RHBDL3: variants seen among roughly 807,000 people sequenced by gnomAD.
RHBDL3 encodes the protein rhomboid like 3, also known as rhomboid-related protein 3.
RHBDL3 carries 28 observed loss-of-function variants against 48.2 expected under a neutral mutation model. That is an observed-to-expected ratio of 0.58 (90% CI 0.43 to 0.80). RHBDL3 has a LOEUF of 0.80. Ranked by LOEUF, RHBDL3 falls within the 30% of genes least tolerant of loss-of-function variation. The probability of loss-of-function intolerance (pLI) is 0.00; values close to 1 mark genes in which losing one functional copy is unlikely to be tolerated. For missense variants in RHBDL3, 464 were observed against 542.7 expected (o/e 0.85, Z 1.44); for synonymous variants, 208 against 232.3 (o/e 0.90, Z 0.95).
intron 5 of RHBDL3, 58 bp from the exon 6 acceptor site, chr17:32,298,034 G>T: frequency 8.3e-7 from 1 of 1,210,464 alleles, no homozygotes; most frequent in South Asian, 1.3e-5. Flanking sequence ...TTTGTTGAAT[G>T]AATGAATGAA....
At chr17:32,267,973 C>T in intron 2 of RHBDL3, 48 bp downstream of exon 2, 1 of 1,446,900 alleles carries the variant, frequency 6.9e-7, no homozygotes, top group East Asian at 2.3e-5. Flanking sequence ...TCCCTGAAAT[C>T]GGTCTCAGTC....
chr17:32,300,469 G>A (rs2040556108), intron 6 of RHBDL3, among the ~76,000 whole-genome samples: 3 of 152,048 alleles, frequency 2.0e-5, no homozygotes, highest in Admixed American at 6.6e-5. Flanking sequence ...CAGGAGGATC[G>A]CTTGAGCCCA....
At chr17:32,286,469 G>T (rs1427592799) in intron 3 of RHBDL3, among the ~76,000 whole-genome samples, 5 of 152,138 alleles carry the variant, frequency 3.3e-5, no homozygotes, top group African/African-American at 7.2e-5. Context: ...CCCGGGTCCT[G>T]GTCTGGCTCT....
intron 2 of RHBDL3, among the ~76,000 whole-genome samples, chr17:32,270,134 A>G (rs113002284): frequency 0.21 from 13,502 of 64,584 alleles, 371 homozygotes; most frequent in African/African-American, 0.3. Context: ...CCCTTTCTCA[A>G]AAAAAAAAAA....
chr17:32,266,436 G>A, intron 1 of RHBDL3, 136 bp downstream of exon 1: 1 of 441,734 alleles, frequency 2.3e-6, no homozygotes, highest in African/African-American at 2.1e-5. Flanking sequence ...GGGTCCCCGC[G>A]GGCAGGAGGG....
intron 4 of RHBDL3, among the ~76,000 whole-genome samples, chr17:32,293,229 G>A (rs1429735985): frequency 6.6e-6 from 1 of 151,984 alleles, no homozygotes; most frequent in Non-Finnish European, 1.5e-5. Flanking sequence ...CAAATGAAGA[G>A]TTCTGTGGAT....
chr17:32,281,921 T>C (rs2040061607), intron 2 of RHBDL3, among the ~76,000 whole-genome samples: 1 of 152,076 alleles, frequency 6.6e-6, no homozygotes, highest in African/African-American at 2.4e-5. Flanking sequence ...CTTAGAGGAG[T>C]GCTCAGCTGT....
At chr17:32,308,499 G>A (rs991658571) in intron 7 of RHBDL3, among the ~76,000 whole-genome samples, 1 of 152,160 alleles carries the variant, frequency 6.6e-6, no homozygotes, top group South Asian at 2.1e-4. Context: ...GATCACCTGT[G>A]GTTCCAGCTA....
Sources: gnomAD v4.1 joint callset for allele counts (sites outside exome capture counted in the v4.1 genomes callset) on GRCh38, gnomAD v4.1.1 for gene constraint, MANE v1.5 for transcripts, NCBI Gene and HGNC (gene_info 2026-07-23, HGNC 2026-07-21) for gene names.